The following DCC variants were observed in gnomAD, a reference collection of about 807,000 sequenced individuals.
DCC encodes netrin receptor DCC.
Under a neutral mutation model 172.5 loss-of-function variants are expected in DCC, and 58 were observed. The observed-to-expected ratio is 0.34, with a 90% CI of 0.27 to 0.42. DCC has a LOEUF of 0.42. DCC is among the 10% of genes least tolerant of loss of function. The pLI is 1.00. For synonymous variants in DCC, 709 were observed against 644.5 expected, an observed-to-expected ratio of 1.10 and a Z score of -1.52; for missense variants, 1,740 against 1,791.0, an observed-to-expected ratio of 0.97 and a Z score of 0.51.
chr18:53,308,432 C>T (rs896739589), intron 13 of DCC, among the ~76,000 whole-genome samples: 17 of 150,678 alleles, frequency 1.1e-4, no homozygotes, highest in Admixed American at 1.1e-3. Context: ...TTTTTAATTG[C>T]ATATGCAAAA....
intron 2 of DCC, among the ~76,000 whole-genome samples, chr18:52,820,480 C>T (rs2038386089): frequency 6.7e-6 from 1 of 150,330 alleles, no homozygotes; most frequent in Non-Finnish European, 1.5e-5. Context: ...TGTAACCTAG[C>T]CATACATTCA....
chr18:52,448,519 T>C (rs1483938625), intron 1 of DCC, among the ~76,000 whole-genome samples: 1 of 152,196 alleles, frequency 6.6e-6, no homozygotes, highest in Non-Finnish European at 1.5e-5. Flanking sequence ...AATGAGTGCC[T>C]TTGAAGACAT....
chr18:53,344,445 T>TA (rs1156850011), intron 15 of DCC, among the ~76,000 whole-genome samples: 1 of 138,188 alleles, frequency 7.2e-6, no homozygotes, highest in East Asian at 2.1e-4. Flanking sequence ...TTTTTCTTTT[T>TA]TTTTTTTTTT....
At chr18:53,311,408 C>T (rs766086778) in intron 13 of DCC, among the ~76,000 whole-genome samples, 6 of 152,168 alleles carry the variant, frequency 3.9e-5, no homozygotes, top group Admixed American at 6.5e-5. Flanking sequence ...CAGGCGTGAG[C>T]CACCGCACCC....
intron 28 of DCC, among the ~76,000 whole-genome samples, chr18:53,529,352 T>C (rs2046500319): frequency 1.3e-5 from 2 of 152,194 alleles, no homozygotes; most frequent in South Asian, 2.1e-4. Context: ...TCTCTGATCA[T>C]AGTGCTAAGG....
chr18:52,634,298 A>G (rs1199627199), intron 1 of DCC, among the ~76,000 whole-genome samples: 3 of 152,352 alleles, frequency 2.0e-5, no homozygotes, highest in South Asian at 2.1e-4. Flanking sequence ...TTTGGCAGGC[A>G]TCTGTAACAA....
intron 1 of DCC, among the ~76,000 whole-genome samples, chr18:52,497,407 A>ATATGTATACACACATATACATATGTG (rs1568198800): frequency 6.7e-6 from 1 of 149,980 alleles, no homozygotes; most frequent in Non-Finnish European, 1.5e-5. Context: ...ATATGTGTAT[A>ATATGTATACACACATATACATATGTG]TATGTATACA....
intron 5 of DCC, among the ~76,000 whole-genome samples, chr18:53,034,537 G>C (rs1051132204): frequency 6.6e-6 from 1 of 152,082 alleles, no homozygotes; most frequent in Admixed American, 6.6e-5. Flanking sequence ...CTACTACCAT[G>C]CCATGCTGGC....
chr18:53,054,084 AT>A, intron 5 of DCC, among the ~76,000 whole-genome samples: 1 of 152,198 alleles, frequency 6.6e-6, no homozygotes, highest in South Asian at 2.1e-4. Context: ...ATGTTGTAAT[AT>A]TTGCATATAA....
chr18:52,536,136 G>A (rs1437840802), intron 1 of DCC, among the ~76,000 whole-genome samples: 1 of 152,120 alleles, frequency 6.6e-6, no homozygotes, highest in East Asian at 1.9e-4. Flanking sequence ...GGAAGGGAAC[G>A]GGGCTACTTG....
At chr18:53,274,827 A>C (rs1425918271) in intron 12 of DCC, among the ~76,000 whole-genome samples, 1 of 152,082 alleles carries the variant, frequency 6.6e-6, no homozygotes, top group Admixed American at 6.6e-5. Context: ...GATCCTTTAG[A>C]AATACAGTCT....
intron 2 of DCC, among the ~76,000 whole-genome samples, chr18:52,896,517 A>AT (rs2039732786): frequency 6.6e-6 from 1 of 152,204 alleles, no homozygotes. Context: ...CATAAATGGC[A>AT]TTGATGTTCA....
chr18:52,813,683 G>A (rs759792250), intron 2 of DCC, among the ~76,000 whole-genome samples: 2 of 152,206 alleles, frequency 1.3e-5, no homozygotes, highest in Non-Finnish European at 2.9e-5. Flanking sequence ...GAGATTAACA[G>A]TTGAGTCAGT....
intron 15 of DCC, among the ~76,000 whole-genome samples, chr18:53,341,744 G>T (rs2057662656): frequency 6.6e-6 from 1 of 152,098 alleles, no homozygotes; most frequent in Admixed American, 6.6e-5. Context: ...GTGTGTGTGA[G>T]AGACATACCC....
intron 1 of DCC, among the ~76,000 whole-genome samples, chr18:52,479,276 A>G (rs552792844): frequency 3.7e-4 from 57 of 152,304 alleles, no homozygotes; most frequent in African/African-American, 1.3e-3. Context: ...TTTAAGCCAT[A>G]TTTCTAAAGT....
intron 1 of DCC, among the ~76,000 whole-genome samples, chr18:52,424,295 T>A (rs1987350533): frequency 6.6e-6 from 1 of 152,152 alleles, no homozygotes. Flanking sequence ...AGTACCAGTT[T>A]CCAGATGATG....
chr18:52,804,531 C>T (rs542064735), intron 2 of DCC, among the ~76,000 whole-genome samples: 77 of 152,210 alleles, frequency 5.1e-4, no homozygotes, highest in African/African-American at 1.8e-3. Flanking sequence ...TTGGTAATTT[C>T]CCCCAAGGTC....
intron 5 of DCC, among the ~76,000 whole-genome samples, chr18:53,032,294 G>T (rs192243677): frequency 6.6e-6 from 1 of 152,184 alleles, no homozygotes; most frequent in Admixed American, 6.6e-5. Context: ...TATATTAAAA[G>T]CCCTTTTACC....
At chr18:52,666,235 G>A (rs542825409) in intron 1 of DCC, among the ~76,000 whole-genome samples, 6 of 151,982 alleles carry the variant, frequency 3.9e-5, no homozygotes, top group Admixed American at 6.6e-5. Context: ...CGGAGGTTGC[G>A]GTGAGCCAAG....
Sources: gnomAD v4.1 joint callset for allele counts (sites outside exome capture counted in the v4.1 genomes callset) on GRCh38, gnomAD v4.1.1 for gene constraint, MANE v1.5 for transcripts, NCBI Gene and HGNC (gene_info 2026-07-23, HGNC 2026-07-21) for gene names.